The following GSG1L variants were observed in gnomAD, a reference collection of about 807,000 sequenced individuals.
The protein encoded by GSG1L is germ cell-specific gene 1-like protein.
A neutral mutation model predicts 42.1 loss-of-function variants in GSG1L; 24 were observed. The observed-to-expected ratio is 0.57, with a 90% CI of 0.41 to 0.80. GSG1L has a LOEUF of 0.80. Among genes scored for constraint, GSG1L ranks in the 30% least tolerant of loss-of-function variants. The pLI is 0.00. For missense variants in GSG1L, 445 were observed against 472.2 expected, an observed-to-expected ratio of 0.94 and a Z score of 0.53; for synonymous variants, 215 against 203.5, an observed-to-expected ratio of 1.06 and a Z score of -0.48.
intron 1 of GSG1L, among the ~76,000 whole-genome samples, chr16:28,024,774 T>G (rs190427620): frequency 6.6e-6 from 1 of 152,256 alleles, no homozygotes; most frequent in Admixed American, 6.5e-5. Flanking sequence ...AATGAGATAT[T>G]GACTAGAAAG....
chr16:27,853,339 A>G (rs1478130750), intron 3 of GSG1L, among the ~76,000 whole-genome samples: 1 of 152,178 alleles, frequency 6.6e-6, no homozygotes, highest in African/African-American at 2.4e-5. Context: ...TTTAAAGAAC[A>G]AGCTATTTTT....
At chr16:27,893,087 C>CCGAAACTTG (rs1387662638) in intron 2 of GSG1L, among the ~76,000 whole-genome samples, 1 of 152,092 alleles carries the variant, frequency 6.6e-6, no homozygotes, top group Non-Finnish European at 1.5e-5. Flanking sequence ...TCCCAAGTCT[C>CCGAAACTTG]CGAAACTTGC....
At chr16:27,873,958 A>C (rs1456237650) in intron 3 of GSG1L, among the ~76,000 whole-genome samples, 5 of 152,204 alleles carry the variant, frequency 3.3e-5, no homozygotes, top group Admixed American at 3.3e-4. Context: ...GTCCCCAAAC[A>C]GGGAAGACTT....
chr16:27,826,340 C>A (rs1360376590), intron 5 of GSG1L, among the ~76,000 whole-genome samples: 1 of 152,210 alleles, frequency 6.6e-6, no homozygotes, highest in Non-Finnish European at 1.5e-5. Context: ...GCCCCACAGA[C>A]AGTCCAGCTC....
chr16:27,992,798 T>C (rs890755826), intron 1 of GSG1L, among the ~76,000 whole-genome samples: 1 of 152,120 alleles, frequency 6.6e-6, no homozygotes. Context: ...AGTTTCCAGA[T>C]ACAGAAACCA....
rs553504875 is a variant in GSG1L, at chr16:28,032,851, GCCGAGGCA to G, written c.349+30217_349+30224del. 1.2e-4 allele frequency among the ~76,000 whole-genome samples: 19 copies of G among 152,072 alleles called. No individual in the cohort carries two copies. In the South Asian group the frequency reaches 3.7e-3, roughly 30 times the overall value. ...CCAGTTCTCTCCATCTTCCCACAAG[GCCGAGGCA>G]CCATCATCTCACCTGGCCCCCCACC... On this transcript the variant is annotated intron_variant, in intron 1 of 6. Transcript: ENST00000447459.
At chr16:27,993,554 C>A (rs533905747) in intron 1 of GSG1L, among the ~76,000 whole-genome samples, 63 of 152,222 alleles carry the variant, frequency 4.1e-4, no homozygotes, top group Non-Finnish European at 8.7e-4. Context: ...AGGGACTCTG[C>A]CCAATATAAT....
Position 27,874,441 on chromosome 16 carries a change from C to CTTTTTTTT in GSG1L, c.550+10037_550+10044dup, listed in dbSNP as rs71140916. On this transcript the variant is annotated intron_variant, in intron 3 of 6. Transcript: ENST00000447459. ...TCTGGACACTGAAGCACAGGAGAGC[C>CTTTTTTTT]TTTTTTTTTTTTTTTTTTTTTTTTT... 4.0e-3 allele frequency among the ~76,000 whole-genome samples: 376 copies of CTTTTTTTT among 94,402 alleles called. 70 individuals carry two copies. The highest frequency in any genetic ancestry group is 4.5e-3 in the Non-Finnish European group (214 of 47,796). The allele number at this position is 94,402 out of a possible 152,430, so 61.9% of individuals were successfully genotyped here. A position where few individuals can be genotyped will look rare whatever the true frequency, so the allele number is the denominator to read the frequency against.
At chr16:27,969,746 T>C (rs577890357) in intron 1 of GSG1L, among the ~76,000 whole-genome samples, 1 of 152,372 alleles carries the variant, frequency 6.6e-6, no homozygotes, top group Admixed American at 6.5e-5. Flanking sequence ...CTGAGTCATA[T>C]GTAACTCTAT....
intron 6 of GSG1L, among the ~76,000 whole-genome samples, chr16:27,802,421 G>A (rs2082893562): frequency 6.6e-6 from 1 of 152,118 alleles, no homozygotes; most frequent in African/African-American, 2.4e-5. Context: ...TGACGTGGGA[G>A]TTCCCAGCAA....
intron 1 of GSG1L, among the ~76,000 whole-genome samples, chr16:27,979,338 G>T (rs1438771689): frequency 1.3e-5 from 2 of 151,910 alleles, no homozygotes; most frequent in Non-Finnish European, 2.9e-5. Flanking sequence ...GGCCGAGACG[G>T]GTGGATCACC....
intron 3 of GSG1L, among the ~76,000 whole-genome samples, chr16:27,863,653 G>T (rs538899466): frequency 1.5e-4 from 23 of 152,330 alleles, no homozygotes; most frequent in African/African-American, 5.1e-4. Context: ...CTTGGCAACA[G>T]GGGATTCCAG....
At chr16:27,817,977 C>T (rs774066025) in intron 5 of GSG1L, among the ~76,000 whole-genome samples, 9 of 152,202 alleles carry the variant, frequency 5.9e-5, no homozygotes, top group East Asian at 1.9e-4. Flanking sequence ...GCAAATTTAA[C>T]GGTGCTCCAA....
intron 6 of GSG1L, among the ~76,000 whole-genome samples, chr16:27,794,779 C>A (rs1346137171): frequency 6.6e-6 from 1 of 152,158 alleles, no homozygotes; most frequent in Non-Finnish European, 1.5e-5. Flanking sequence ...AGAGGCAGAT[C>A]CCAGCCTGTG....
chr16:27,809,834 G>A (rs1353930051), intron 5 of GSG1L, among the ~76,000 whole-genome samples: 1 of 152,064 alleles, frequency 6.6e-6, no homozygotes, highest in Non-Finnish European at 1.5e-5. Context: ...TCTCATGCAA[G>A]GAAGGCTCAA....
At chr16:28,011,011 C>G (rs893858603) in intron 1 of GSG1L, among the ~76,000 whole-genome samples, 1 of 152,148 alleles carries the variant, frequency 6.6e-6, no homozygotes, top group Non-Finnish European at 1.5e-5. Context: ...GGGGCTCTGC[C>G]GGGCAGGCTG....
rs554542422 is a variant in GSG1L, at chr16:27,789,981, A to C, written c.*1389T>G. 4 of 147,788 alleles carry C rather than the reference A, an allele frequency of 2.7e-5. No individual in the cohort carries two copies. The South Asian group carries it at 8.8e-4, about 32-fold the overall frequency. 9.2% of individuals were successfully genotyped at this position (147,788 alleles called of 1,614,324 possible). ...TGAATGGACAATGGACAATAGCTGG[A>C]TGAGTGATAGATGCTGGATGGATGG... On this transcript the variant is annotated 3_prime_UTR_variant, in exon 7 of 7. Transcript: ENST00000447459.
At chr16:27,883,409 T>A (rs1016933918) in intron 3 of GSG1L, among the ~76,000 whole-genome samples, 2 of 152,140 alleles carry the variant, frequency 1.3e-5, no homozygotes, top group African/African-American at 4.8e-5. Flanking sequence ...TTTTTCTTCT[T>A]TTCTTTACTG....
chr16:27,941,002 C>T (rs1237991607), intron 2 of GSG1L, among the ~76,000 whole-genome samples: 1 of 151,898 alleles, frequency 6.6e-6, no homozygotes, highest in East Asian at 1.9e-4. Flanking sequence ...TAAAAATTAA[C>T]TCAATATGGA....
Sources: allele counts gnomAD v4.1 joint callset (sites outside exome capture counted in the v4.1 genomes callset), GRCh38; gene constraint gnomAD v4.1.1; transcripts MANE v1.5; gene names NCBI Gene and HGNC (gene_info 2026-07-23, HGNC 2026-07-21).